The following BMPER variants were observed in gnomAD, a reference collection of about 807,000 sequenced individuals.
BMPER encodes the protein BMP binding endothelial regulator.
BMPER carries 45 observed loss-of-function variants against 87.3 expected under a neutral mutation model. That is an observed-to-expected ratio of 0.52 (90% CI 0.41 to 0.66). The LOEUF (loss-of-function observed/expected upper bound fraction) is 0.66, where lower values mean the gene tolerates loss of function less well. Ranked by LOEUF, BMPER falls within the 30% of genes least tolerant of loss-of-function variation. The pLI is 0.00. For synonymous variants in BMPER, 326 were observed against 316.2 expected, an observed-to-expected ratio of 1.03 and a Z score of -0.33; for missense variants, 784 against 867.5, an observed-to-expected ratio of 0.90 and a Z score of 1.21.
chr7:33,985,969 A>G (rs1786000922), intron 6 of BMPER, among the ~76,000 whole-genome samples: 1 of 152,146 alleles, frequency 6.6e-6, no homozygotes, highest in Non-Finnish European at 1.5e-5. Context: ...TACCCCTCAA[A>G]TCTTGATCCA....
rs539850706 is a variant in BMPER at position 34,143,151 on chromosome 7, G to A, written c.1746-79G>A. 1.1e-5 allele frequency: 17 copies of A among 1,591,194 alleles called. 1 individual carries two copies. The highest frequency in any genetic ancestry group is 6.6e-5 in the South Asian group (6 of 90,270). On this transcript the variant is annotated intron_variant, in intron 13 of 14. Transcript: ENST00000649409. ...GGGCCAATCAGGTTTTCCCATCTAC[G>A]ACCCTTTCTGAAGTTATATTTAGGG...
At chr7:34,022,291 T>C in intron 6 of BMPER, among the ~76,000 whole-genome samples, 1 of 152,048 alleles carries the variant, frequency 6.6e-6, no homozygotes, top group African/African-American at 2.4e-5. Flanking sequence ...AGGGGGCTTC[T>C]TCTAGGGATC....
chr7:34,133,761 A>G (rs937213016), intron 13 of BMPER, among the ~76,000 whole-genome samples: 12 of 152,130 alleles, frequency 7.9e-5, no homozygotes, highest in African/African-American at 2.9e-4. Flanking sequence ...GTTAAATTTC[A>G]GGACATCTAG....
intron 2 of BMPER, among the ~76,000 whole-genome samples, chr7:33,927,798 G>T (rs1784395158): frequency 6.6e-6 from 1 of 152,134 alleles, no homozygotes; most frequent in African/African-American, 2.4e-5. Context: ...ACAGGTAGTT[G>T]GAGTTGGACC....
intron 11 of BMPER, among the ~76,000 whole-genome samples, chr7:34,062,506 A>T (rs1008266388): frequency 7.3e-6 from 1 of 137,424 alleles, no homozygotes; most frequent in African/African-American, 2.8e-5. Context: ...GGGTGCATCC[A>T]GTCTTGCTGT....
rs191061871 is a variant in BMPER, at chr7:33,951,298, T to C, written c.319+13910T>C. 8.4e-3 allele frequency among the ~76,000 whole-genome samples: 1,286 copies of C among 152,256 alleles called. 13 individuals carry two copies. The highest frequency in any genetic ancestry group is 0.014 in the Non-Finnish European group (941 of 68,008). ...CCTGACCTCAAGTGATCCACCCGCC[T>C]TGGCCTCCTGAAGTGCTGGGATAAC... On this transcript the variant is annotated intron_variant, in intron 3 of 14. Transcript: ENST00000649409.
At chr7:34,028,793 GC>G (rs1562697966) in intron 6 of BMPER, among the ~76,000 whole-genome samples, 1 of 151,610 alleles carries the variant, frequency 6.6e-6, no homozygotes, top group African/African-American at 2.4e-5. Flanking sequence ...GAATAGAGGA[GC>G]CTGTGTAGAG....
chr7:33,924,204 A>ATGT (rs1306721230), intron 2 of BMPER, among the ~76,000 whole-genome samples: 5 of 152,180 alleles, frequency 3.3e-5, no homozygotes, highest in Non-Finnish European at 7.3e-5. Flanking sequence ...CTTACATCCC[A>ATGT]TGTTCTATTC....
Position 34,055,148 on chromosome 7 carries a change from C to A in BMPER, c.787-15C>A. 1 of 1,614,052 alleles carries A rather than the reference C, an allele frequency of 6.2e-7. No individual in the cohort carries two copies. The highest frequency in any genetic ancestry group is 8.5e-7 in the Non-Finnish European group (1 of 1,179,992). On this transcript the variant is annotated splice_polypyrimidine_tract_variant and intron_variant, in intron 8 of 14. Coordinates refer to ENST00000649409, the MANE Select transcript of BMPER (RefSeq NM_001365308.1). ...AAAATCATTTTTAATTTCTATTTTG[C>A]CTTTGGGCCCCCAGGACTCTACTGT...
At chr7:33,914,108 G>A (rs1173535642) in intron 2 of BMPER, among the ~76,000 whole-genome samples, 5 of 151,344 alleles carry the variant, frequency 3.3e-5, no homozygotes, top group African/African-American at 4.9e-5. Context: ...GACTACAGGC[G>A]CCCGCCACTA....
rs1784630302 is a variant in BMPER, at chr7:33,937,353, T to G, written c.284T>G (p.Ile95Ser). The G allele has an allele frequency of 6.2e-6, 10 of 1,614,086 alleles. No individual in the cohort carries two copies. In the Admixed American group the frequency reaches 6.7e-5, roughly 11 times the overall value. Residue 95 changes from isoleucine (I) to serine (S), a missense_variant, in exon 3 of 15, where the codon ATC (isoleucine) becomes AGC (serine). Coordinates refer to ENST00000649409, the MANE Select transcript of BMPER (RefSeq NM_001365308.1). ...PVLSRDCALA[I>S]KQRGACCEQC... ...CTGTCCCGAGACTGTGCCCTGGCCA[T>G]CAAGCAGAGGGGAGCCTGTTGTGAA...
At chr7:33,925,658 AG>A (rs1254423505) in intron 2 of BMPER, among the ~76,000 whole-genome samples, 1 of 152,190 alleles carries the variant, frequency 6.6e-6, no homozygotes, top group African/African-American at 2.4e-5. Context: ...TCATAGAGCA[AG>A]AAAATCGTGG....
chr7:34,142,399 C>T (rs1431478622), intron 13 of BMPER, among the ~76,000 whole-genome samples: 1 of 152,144 alleles, frequency 6.6e-6, no homozygotes, highest in Non-Finnish European at 1.5e-5. Flanking sequence ...TGACAGGCTC[C>T]GTGTGAAAGC....
At chr7:33,986,671 G>T (rs892642421) in intron 6 of BMPER, among the ~76,000 whole-genome samples, 1 of 152,146 alleles carries the variant, frequency 6.6e-6, no homozygotes, top group Non-Finnish European at 1.5e-5. Flanking sequence ...GATGGAACGG[G>T]GGGTGAGCTC....
In BMPER at chr7:34,042,239, C is replaced by A. The variant is rs577885060; in HGVS notation, c.577-4067C>A. Among the ~76,000 whole-genome samples the A allele has an allele frequency of 2.6e-5, 4 of 152,214 alleles. No individual in the cohort carries two copies. In the South Asian group the frequency reaches 8.3e-4, roughly 32 times the overall value. ...AAAAATAGCTAATTTTTGAGAGAAG[C>A]ACTTGGATATGCAATTTGAACAAAT... On this transcript the variant is annotated intron_variant, in intron 6 of 14. Transcript: ENST00000649409.
intron 13 of BMPER, among the ~76,000 whole-genome samples, chr7:34,118,521 G>A (rs745413235): frequency 6.6e-6 from 1 of 152,098 alleles, no homozygotes; most frequent in African/African-American, 2.4e-5. Flanking sequence ...TGAGGGGGAA[G>A]CATTACCTTG....
intron 3 of BMPER, among the ~76,000 whole-genome samples, chr7:33,953,877 C>T (rs1785087353): frequency 1.3e-5 from 2 of 152,166 alleles, no homozygotes; most frequent in African/African-American, 4.8e-5. Flanking sequence ...CTAGGTACCG[C>T]ATGTATGTGC....
intron 14 of BMPER, among the ~76,000 whole-genome samples, chr7:34,144,139 A>C (rs1456649113): frequency 2.6e-5 from 4 of 152,190 alleles, no homozygotes; most frequent in Non-Finnish European, 4.4e-5. Flanking sequence ...ATGATATTTC[A>C]GCCTAGCCCT....
chr7:33,907,451 A>G (rs943778814), intron 2 of BMPER, among the ~76,000 whole-genome samples: 6 of 152,184 alleles, frequency 3.9e-5, no homozygotes, highest in Non-Finnish European at 8.8e-5. Context: ...TCTGATTTGG[A>G]AGCATGAGTC....
Sources: allele counts gnomAD v4.1 joint callset (sites outside exome capture counted in the v4.1 genomes callset), GRCh38; gene constraint gnomAD v4.1.1; transcripts MANE v1.5; gene names NCBI Gene and HGNC (gene_info 2026-07-23, HGNC 2026-07-21).